MYH14: variants seen among roughly 807,000 people sequenced by gnomAD.
The protein encoded by MYH14 is myosin heavy chain 14.
In MYH14, 123 loss-of-function variants were observed where a neutral mutation model predicts 255.5. The observed-to-expected ratio is 0.48, with a 90% confidence interval of 0.42 to 0.56. The LOEUF (loss-of-function observed/expected upper bound fraction) is 0.56, where lower values mean the gene tolerates loss of function less well. Among genes scored for constraint, MYH14 ranks in the 20% least tolerant of loss-of-function variants. The probability of loss-of-function intolerance (pLI) is 0.00; values close to 1 mark genes in which losing one functional copy is unlikely to be tolerated. For synonymous variants in MYH14, 1,095 were observed against 1,161.2 expected (o/e 0.94, Z 1.16); for missense variants, 2,423 against 2,802.3 (o/e 0.86, Z 3.06).
At chr19:50,236,639 C>T (rs544918546) in intron 10 of MYH14, among the ~76,000 whole-genome samples, 70 of 150,470 alleles carry the variant, frequency 4.7e-4, no homozygotes, top group African/African-American at 1.5e-3. Flanking sequence ...ACCCGGGAGG[C>T]GGAGGTTGCA....
intron 10 of MYH14, among the ~76,000 whole-genome samples, chr19:50,242,645 C>T (rs970081079): frequency 2.0e-5 from 3 of 152,132 alleles, no homozygotes; most frequent in African/African-American, 7.2e-5. Context: ...ATATCAATTT[C>T]GATCCACAAA....
intron 40 of MYH14, among the ~76,000 whole-genome samples, chr19:50,304,997 G>A (rs544074715): frequency 6.6e-6 from 1 of 152,226 alleles, no homozygotes; most frequent in Admixed American, 6.5e-5. Flanking sequence ...AGGGATCAGG[G>A]AGACAGGGAG....
chr19:50,208,268 A>T (rs1465361975), intron 1 of MYH14, among the ~76,000 whole-genome samples: 1 of 152,184 alleles, frequency 6.6e-6, no homozygotes, highest in Admixed American at 6.5e-5. Context: ...TACAAAAATT[A>T]GCCAGGCATA....
At chr19:50,296,356 C>T (rs1252337104) in intron 39 of MYH14, among the ~76,000 whole-genome samples, 2 of 152,060 alleles carry the variant, frequency 1.3e-5, no homozygotes, top group Non-Finnish European at 2.9e-5. Flanking sequence ...ACCTGTAATC[C>T]TAGCTCCTTG....
chr19:50,307,988 A>AT (rs2036710492), intron 41 of MYH14, among the ~76,000 whole-genome samples: 1 of 152,204 alleles, frequency 6.6e-6, no homozygotes, highest in Non-Finnish European at 1.5e-5. Flanking sequence ...TGGAGCTCAC[A>AT]TTTTCTGCAT....
At chr19:50,239,343 C>T (rs1055532451) in intron 10 of MYH14, among the ~76,000 whole-genome samples, 1 of 151,974 alleles carries the variant, frequency 6.6e-6, no homozygotes, top group African/African-American at 2.4e-5. Context: ...TTTTCCTGGT[C>T]ATCCATCTCT....
chr19:50,256,907 A>T (rs924694542), intron 17 of MYH14, among the ~76,000 whole-genome samples: 11 of 152,336 alleles, frequency 7.2e-5, no homozygotes, highest in African/African-American at 2.6e-4. Context: ...AAAGCCATTG[A>T]TGTAAATTGC....
chr19:50,238,226 C>A (rs1231056919), intron 10 of MYH14, among the ~76,000 whole-genome samples: 1 of 152,166 alleles, frequency 6.6e-6, no homozygotes, highest in East Asian at 1.9e-4. Flanking sequence ...CTGATGTCAG[C>A]AACAAGAGCT....
chr19:50,236,374 C>T (rs1402364660), intron 10 of MYH14, among the ~76,000 whole-genome samples: 1 of 151,448 alleles, frequency 6.6e-6, no homozygotes, highest in Non-Finnish European at 1.5e-5. Context: ...TAAACAGGTT[C>T]TTGTGCTCTT....
At chr19:50,244,918 C>A (rs1235919701) in intron 11 of MYH14, among the ~76,000 whole-genome samples, 1 of 152,198 alleles carries the variant, frequency 6.6e-6, no homozygotes, top group Non-Finnish European at 1.5e-5. Context: ...TCCTCCCAGA[C>A]CCCCTCTCCC....
chr19:50,228,995 C>T (rs150033798), intron 8 of MYH14, among the ~76,000 whole-genome samples: 60 of 152,306 alleles, frequency 3.9e-4, no homozygotes, highest in African/African-American at 1.2e-3. Flanking sequence ...ACTGTGTGCC[C>T]ACCGCCACCT....
intron 39 of MYH14, among the ~76,000 whole-genome samples, chr19:50,294,221 A>G (rs1043672803): frequency 6.6e-6 from 1 of 152,128 alleles, no homozygotes. Context: ...ATACAGAGAT[A>G]CAAGTGAAAA....
intron 10 of MYH14, among the ~76,000 whole-genome samples, chr19:50,233,385 G>T (rs926580985): frequency 6.6e-6 from 1 of 152,102 alleles, no homozygotes; most frequent in Non-Finnish European, 1.5e-5. Flanking sequence ...GGCCAGGCTG[G>T]TCTCGAACCC....
chr19:50,296,620 A>G (rs2036274984), intron 39 of MYH14, among the ~76,000 whole-genome samples: 1 of 152,184 alleles, frequency 6.6e-6, no homozygotes, highest in Non-Finnish European at 1.5e-5. Context: ...AAAAAGAAAA[A>G]GAAAAGAAGA....
chr19:50,284,403 G>A (rs1330625353), intron 33 of MYH14, among the ~76,000 whole-genome samples: 2 of 152,130 alleles, frequency 1.3e-5, no homozygotes, highest in South Asian at 4.2e-4. Flanking sequence ...GTCTTGCACT[G>A]TTGCCCGGGC....
intron 39 of MYH14, among the ~76,000 whole-genome samples, chr19:50,297,591 G>T (rs559607865): frequency 7.5e-6 from 1 of 133,400 alleles, no homozygotes; most frequent in South Asian, 2.6e-4. Context: ...TTCACCTCCC[G>T]GGTTCAAGCG....
intron 13 of MYH14, 45 bp from the exon 14 acceptor site, chr19:50,249,605 T>TGTCCCTCTCC (rs754860141): frequency 2.5e-6 from 4 of 1,612,686 alleles, no homozygotes; most frequent in Non-Finnish European, 3.4e-6. Flanking sequence ...TCTGGGTCTC[T>TGTCCCTCTCC]GTCCCTCTCC....
At chr19:50,213,968 G>A (rs1241673426) in intron 2 of MYH14, among the ~76,000 whole-genome samples, 2 of 152,238 alleles carry the variant, frequency 1.3e-5, no homozygotes, top group East Asian at 3.9e-4. Flanking sequence ...GGGACTACAG[G>A]CACATACCAC....
At chr19:50,248,873 G>A (rs2034239274) in intron 12 of MYH14, 114 bp from the exon 13 acceptor site, 1 of 1,032,294 alleles carries the variant, frequency 9.7e-7, no homozygotes, top group African/African-American at 1.6e-5. Flanking sequence ...CACTCAAGGA[G>A]CTGGGAGGCG....
Sources: allele counts gnomAD v4.1 joint callset (sites outside exome capture counted in the v4.1 genomes callset), GRCh38; gene constraint gnomAD v4.1.1; transcripts MANE v1.5; gene names NCBI Gene and HGNC (gene_info 2026-07-23, HGNC 2026-07-21).